The following PDE3B variants were observed in gnomAD, a reference collection of about 807,000 sequenced individuals.
The protein encoded by PDE3B is cGMP-inhibited 3',5'-cyclic phosphodiesterase 3B.
In PDE3B, 66 loss-of-function variants were observed where a neutral mutation model predicts 116.8. The observed-to-expected ratio is 0.56, with a 90% CI of 0.46 to 0.69. The LOEUF (loss-of-function observed/expected upper bound fraction) is 0.69, where lower values mean the gene tolerates loss of function less well. Among genes scored for constraint, PDE3B ranks in the 30% least tolerant of loss-of-function variants. The probability of loss-of-function intolerance (pLI) is 0.00; values close to 1 mark genes in which losing one functional copy is unlikely to be tolerated. For synonymous variants in PDE3B, 595 were observed against 533.6 expected, an observed-to-expected ratio of 1.12 and a Z score of -1.59; for missense variants, 1,384 against 1,368.1, an observed-to-expected ratio of 1.01 and a Z score of -0.18.
rs756988177 is a variant in PDE3B, at chr11:14,832,846, A to G, written c.2206+13A>G. 3.7e-6 allele frequency: 4 copies of G among 1,091,698 alleles called. No homozygotes were observed. Among genetic ancestry groups the G allele is most frequent in the East Asian group, 4.9e-5 (2 of 40,828 alleles). 67.6% of individuals were successfully genotyped at this position (1,091,698 alleles called of 1,614,324 possible). On this transcript the variant is annotated intron_variant, in intron 10 of 15. Coordinates refer to ENST00000282096, the MANE Select transcript of PDE3B (RefSeq NM_000922.4). ...CGAGACATTCCTTGTAAGTATTAAC[A>G]TATTTTATTATTTAAGTTCAAATAA... is the stretch of plus-strand genomic sequence containing the variant.
At chr11:14,890,222 A>G in the PDE3B span, among the ~76,000 whole-genome samples, 19 of 151,544 alleles carry the variant, frequency 1.3e-4, no homozygotes, top group South Asian at 3.8e-3. Flanking sequence ...ACTACCGAGA[A>G]AAAAAAAAGA....
chr11:14,806,858 C>CAAAAAAAAAA (rs953411145), intron 5 of PDE3B, among the ~76,000 whole-genome samples: 68 of 45,566 alleles, frequency 1.5e-3, no homozygotes, highest in Non-Finnish European at 1.9e-3. Flanking sequence ...GACTCCGTCT[C>CAAAAAAAAAA]AAAAAAAAAA....
rs1054173992 is a variant in PDE3B at position 14,820,077 on chromosome 11, A to G, written c.1807+868A>G. Among the ~76,000 whole-genome samples the G allele has an allele frequency of 2.6e-5, 4 of 152,274 alleles. No individual in the cohort carries two copies. In the East Asian group the frequency reaches 5.8e-4, roughly 22 times the overall value. The stretch of plus-strand genomic sequence containing the variant: ...TATAGGTTCTTCTCAATCCCTTTAC[A>G]TACCATAAAACTTACCCTTTTAAAG... On this transcript the variant is annotated intron_variant, in intron 7 of 15. Transcript: ENST00000282096.
Position 14,644,630 on chromosome 11 carries a change from C to G in PDE3B, c.555C>G (p.Ala185=). 1 of 1,514,820 alleles carries G rather than the reference C, an allele frequency of 6.6e-7. No homozygotes were observed. The highest frequency in any genetic ancestry group is 8.8e-7 in the Non-Finnish European group (1 of 1,134,154). The allele number at this position is 1,514,820 out of a possible 1,614,324, so 93.8% of individuals were successfully genotyped here. The stretch of plus-strand genomic sequence containing the variant: ...GGGATGGCGACGCAGGGTCCGCGGC[C>G]CCGCACACGCCCCCGGAGGCGGCAG... ...PWGDGDAGSA[A]PHTPPEAAAG... The change falls in exon 1 of 16, where the codon GCC becomes GCG. Residue 185 remains alanine, a synonymous_variant. Transcript: ENST00000282096.
intron 1 of PDE3B, among the ~76,000 whole-genome samples, chr11:14,725,329 T>C (rs4757264): frequency 0.013 from 1,599 of 123,272 alleles, 34 homozygotes; most frequent in African/African-American, 0.046. Context: ...CTTTCTTTCT[T>C]TTTCTTTCTT....
chr11:14,831,502 G>C (rs1859880863), intron 8 of PDE3B, 138 bp from the exon 9 acceptor site: 3 of 428,084 alleles, frequency 7.0e-6, no homozygotes, highest in Non-Finnish European at 4.0e-6. Context: ...GGGCAGATAA[G>C]ACTATATTTA....
At chr11:14,795,951 G>A (rs1858537972) in intron 4 of PDE3B, among the ~76,000 whole-genome samples, 2 of 151,960 alleles carry the variant, frequency 1.3e-5, no homozygotes, top group Admixed American at 1.3e-4. Context: ...AGGTATACAC[G>A]TGCCATGGTG....
At chr11:14,666,153 G>C (rs960206849) in intron 1 of PDE3B, among the ~76,000 whole-genome samples, 17 of 148,746 alleles carry the variant, frequency 1.1e-4, no homozygotes, top group African/African-American at 2.2e-4. Context: ...TCTGATCTTT[G>C]ACAAACCTGA....
At chr11:14,849,332 T>C (rs368349387) in intron 12 of PDE3B, among the ~76,000 whole-genome samples, 4 of 151,668 alleles carry the variant, frequency 2.6e-5, no homozygotes, top group Non-Finnish European at 5.9e-5. Flanking sequence ...ATACAAAAAT[T>C]AATTCAAGAT....
intron 1 of PDE3B, among the ~76,000 whole-genome samples, chr11:14,751,340 C>A (rs1483672943): frequency 6.6e-6 from 1 of 152,124 alleles, no homozygotes; most frequent in Non-Finnish European, 1.5e-5. Context: ...GTAATTCATT[C>A]TTTTCTGTTT....
the PDE3B span, chr11:14,886,111 A>G: frequency 1.7e-6 from 1 of 604,256 alleles, no homozygotes; most frequent in East Asian, 2.9e-5. Context: ...TGATTTCATT[A>G]TGCCATTCAG....
intron 1 of PDE3B, among the ~76,000 whole-genome samples, chr11:14,655,547 A>AC (rs1853693337): frequency 6.6e-6 from 1 of 152,070 alleles, no homozygotes; most frequent in Non-Finnish European, 1.5e-5. Flanking sequence ...GATCAATAAG[A>AC]TATGGTTCTA....
At chr11:14,745,055 G>A (rs936520275) in intron 1 of PDE3B, among the ~76,000 whole-genome samples, 4 of 152,048 alleles carry the variant, frequency 2.6e-5, no homozygotes, top group Non-Finnish European at 5.9e-5. Context: ...GAACTCCTGA[G>A]ATCAAGCGAT....
intron 1 of PDE3B, among the ~76,000 whole-genome samples, chr11:14,710,146 C>T (rs1251451805): frequency 6.6e-6 from 1 of 152,186 alleles, no homozygotes; most frequent in East Asian, 1.9e-4. Context: ...ACCTCTGTAA[C>T]TTAATCTTTC....
intron 1 of PDE3B, among the ~76,000 whole-genome samples, chr11:14,722,552 A>G (rs1245685037): frequency 6.6e-6 from 1 of 152,220 alleles, no homozygotes; most frequent in Admixed American, 6.5e-5. Flanking sequence ...TTTAATAGCA[A>G]TTTTACAAAT....
At chr11:14,674,213 G>A in intron 1 of PDE3B, 2 of 1,251,630 alleles carry the variant, frequency 1.6e-6, no homozygotes, top group East Asian at 4.7e-5. Flanking sequence ...GGGGTTTTCT[G>A]TTTGTTCTTT....
At chr11:14,774,200 A>G (rs1407933466) in intron 2 of PDE3B, 6 of 152,094 alleles carry the variant, frequency 3.9e-5, no homozygotes, top group Admixed American at 3.9e-4. Flanking sequence ...TGCTATTTAT[A>G]TTTTATTTCA....
intron 1 of PDE3B, among the ~76,000 whole-genome samples, chr11:14,722,060 C>T (rs528335684): frequency 5.6e-5 from 8 of 143,916 alleles, no homozygotes; most frequent in Admixed American, 5.0e-4. Flanking sequence ...ATCGCCAGGA[C>T]AAAAAACAAA....
downstream of PDE3B, among the ~76,000 whole-genome samples, chr11:14,873,781 A>G (rs1413622583): frequency 6.6e-6 from 1 of 152,244 alleles, no homozygotes; most frequent in Non-Finnish European, 1.5e-5. Context: ...ACTGTGTGTC[A>G]TAGTATTGGC....
Sources: allele counts gnomAD v4.1 joint callset (sites outside exome capture counted in the v4.1 genomes callset), GRCh38; gene constraint gnomAD v4.1.1; transcripts MANE v1.5; gene names NCBI Gene and HGNC (gene_info 2026-07-23, HGNC 2026-07-21).